Variants in ARHGEF17 observed in about 807,000 individuals in gnomAD.
ARHGEF17 encodes the protein Rho guanine nucleotide exchange factor 17.
A neutral mutation model predicts 174.0 loss-of-function variants in ARHGEF17; 80 were observed. The observed-to-expected ratio is 0.46, with a 90% CI of 0.38 to 0.55. The LOEUF is 0.55. Ranked by LOEUF, ARHGEF17 falls within the 20% of genes least tolerant of loss-of-function variation. ARHGEF17 has a pLI of 0.00. For missense variants in ARHGEF17, 2,886 were observed against 2,839.7 expected, an observed-to-expected ratio of 1.02 and a Z score of -0.37; for synonymous variants, 1,311 against 1,189.1, an observed-to-expected ratio of 1.10 and a Z score of -2.11.
rs928150383 is a variant in ARHGEF17 at position 73,363,286 on chromosome 11, C to G, written c.5077C>G (p.Leu1693Val). ...GGAGCAGGAGCCAGGCTTCCTGCCA[C>G]TGTCTGGCTCCTTTGGGCCTGGTGG... ...EEEQEPGFLP[L>V]SGSFGPGGPC... The change falls in exon 15 of 21, where the codon CTG becomes GTG. Residue 1693 changes from leucine to valine, a missense_variant. By Grantham distance (32) the Leu-to-Val change is conservative (BLOSUM62 1). Transcript: ENST00000263674. 3 of 1,611,612 alleles carry G rather than the reference C, an allele frequency of 1.9e-6. No individual in the cohort carries two copies. Among genetic ancestry groups the G allele is most frequent in the Non-Finnish European group, 2.5e-6 (3 of 1,178,864 alleles).
chr11:73,326,637 T>C (rs1373221939), intron 1 of ARHGEF17, among the ~76,000 whole-genome samples: 1 of 152,096 alleles, frequency 6.6e-6, no homozygotes, highest in Non-Finnish European at 1.5e-5. Context: ...GGAGAATCGC[T>C]TGAACCCAGG....
intron 6 of ARHGEF17, 78 bp downstream of exon 6, chr11:73,356,429 G>A: frequency 7.2e-7 from 1 of 1,393,134 alleles, no homozygotes; most frequent in Admixed American, 2.3e-5. Context: ...GTGCATCTGT[G>A]GCCACCTGGA....
rs1450997792 is a variant in ARHGEF17 at position 73,311,630 on chromosome 11, T to C, written c.2992T>C (p.Leu998=). 1 of 1,613,284 alleles carries C rather than the reference T, an allele frequency of 6.2e-7. No homozygotes were observed. Among genetic ancestry groups the C allele is most frequent in the South Asian group, 1.1e-5 (1 of 91,088 alleles). The stretch of plus-strand genomic sequence containing the variant: ...CTTCCCTACCCGAGCCCATCCCACG[T>C]TGCAGGCACCATCGCTCGAGGACGT... ...IGFPTRAHPT[L]QAPSLEDVTK... The change falls in exon 1 of 21, where the codon TTG becomes CTG. Residue 998 remains leucine (L), a synonymous_variant. Coordinates refer to ENST00000263674, the MANE Select transcript of ARHGEF17 (RefSeq NM_014786.4).
chr11:73,359,414 C>T (rs570693610), intron 9 of ARHGEF17, among the ~76,000 whole-genome samples: 33 of 152,330 alleles, frequency 2.2e-4, no homozygotes, highest in Admixed American at 1.6e-3. Context: ...ATGCACTGCC[C>T]CCTCCTTTGT....
At chr11:73,335,474 T>C (rs1281784897) in intron 1 of ARHGEF17, among the ~76,000 whole-genome samples, 1 of 152,044 alleles carries the variant, frequency 6.6e-6, no homozygotes, top group East Asian at 1.9e-4. Flanking sequence ...AAACTTTTCC[T>C]TCCCAGCCTG....
chr11:73,311,961 A>C (rs1373743230), intron 1 of ARHGEF17, 131 bp downstream of exon 1: 1 of 1,043,562 alleles, frequency 9.6e-7, no homozygotes, highest in East Asian at 2.6e-5. Context: ...TGGTCCTGGA[A>C]GTGCCTGTGC....
chr11:73,341,487 T>G (rs1022251001), intron 1 of ARHGEF17, among the ~76,000 whole-genome samples: 2 of 151,962 alleles, frequency 1.3e-5, no homozygotes, highest in African/African-American at 4.8e-5. Flanking sequence ...TGTATTTTTT[T>G]TTTTAATAGA....
chr11:73,354,646 G>A (rs56012762), intron 3 of ARHGEF17, among the ~76,000 whole-genome samples: 12,757 of 151,820 alleles, frequency 0.084, 545 homozygotes, highest in Non-Finnish European at 0.1. Flanking sequence ...CCTGGGTGGC[G>A]GAGGTTGCAG....
In ARHGEF17 at chr11:73,311,403, C is replaced by G. The variant is rs1864831093; in HGVS notation, c.2765C>G (p.Ser922Cys). The change falls in exon 1 of 21, where the codon TCC becomes TGC. Residue 922 changes from serine (S) to cysteine (C), a missense_variant. Coordinates refer to ENST00000263674, the MANE Select transcript of ARHGEF17 (RefSeq NM_014786.4). ...ILSPRLIRRGSKKRPARSSHQ... is the reference protein window; with the variant it reads ...ILSPRLIRRGCKKRPARSSHQ... ...TCCCCGAGGCTAATCCGCCGAGGCT[C>G]CAAGAAGCGCCCAGCTCGGAGTAGT... The G allele has an allele frequency of 6.2e-7, 1 of 1,613,232 alleles. No individual in the cohort carries two copies. Among genetic ancestry groups the G allele is most frequent in the Non-Finnish European group, 8.5e-7 (1 of 1,180,056 alleles).
At chr11:73,355,332 C>A (rs1342684261) in intron 3 of ARHGEF17, among the ~76,000 whole-genome samples, 1 of 152,174 alleles carries the variant, frequency 6.6e-6, no homozygotes, top group Non-Finnish European at 1.5e-5. Context: ...TATGAGCACT[C>A]GTATATCCAT....
At position 73,311,610 on chromosome 11, in the gene ARHGEF17, C is replaced by G; in HGVS notation, c.2972C>G (p.Pro991Arg). The G allele has an allele frequency of 6.2e-7, 1 of 1,613,338 alleles. No individual in the cohort carries two copies. Among genetic ancestry groups the G allele is most frequent in the Non-Finnish European group, 8.5e-7 (1 of 1,179,902 alleles). Residue 991 changes from proline (P) to arginine (R), a missense_variant, in exon 1 of 21, where the codon CCT becomes CGT. Physicochemically the swap from Pro to Arg is moderately radical, Grantham distance 103 (BLOSUM62 -2). Around this residue, in one of 4 missense-constraint regions of ARHGEF17, gnomAD observed 1,728 missense variants for 1,461.2 expected, o/e 1.18. Coordinates refer to ENST00000263674, the MANE Select transcript of ARHGEF17 (RefSeq NM_014786.4). ...PVAVPEPIGFPTRAHPTLQAP... is the reference protein window; with the variant it reads ...PVAVPEPIGFRTRAHPTLQAP... The stretch of plus-strand genomic sequence containing the variant: ...GCTGTGCCAGAACCCATAGGCTTCC[C>G]TACCCGAGCCCATCCCACGTTGCAG...
chr11:73,354,652 T>G (rs1360386243), intron 3 of ARHGEF17, among the ~76,000 whole-genome samples: 1 of 150,278 alleles, frequency 6.7e-6, no homozygotes, highest in African/African-American at 2.5e-5. Flanking sequence ...TGGCGGAGGT[T>G]GCAGTGAGCC....
intron 1 of ARHGEF17, among the ~76,000 whole-genome samples, chr11:73,329,345 ATATATATATATATATATATATATATATAT>A (rs1452669491): frequency 7.1e-5 from 2 of 28,258 alleles, no homozygotes; most frequent in East Asian, 6.6e-4. Flanking sequence ...ATATATATAT[ATATATATATATATATATATATATATATAT>A]TTTTTTTTTT....
chr11:73,355,693 G>C (rs779388070), intron 4 of ARHGEF17, 44 bp downstream of exon 4: 1 of 1,593,314 alleles, frequency 6.3e-7, no homozygotes, highest in Non-Finnish European at 8.6e-7. Flanking sequence ...CCCTCACCTT[G>C]GGCCAGCTTT....
chr11:73,323,742 C>G (rs1021284400), intron 1 of ARHGEF17, among the ~76,000 whole-genome samples: 3 of 152,236 alleles, frequency 2.0e-5, no homozygotes, highest in African/African-American at 7.2e-5. Flanking sequence ...CTAAATTCAG[C>G]CCCAGCTAAA....
chr11:73,314,754 C>T (rs1028461033), intron 1 of ARHGEF17, among the ~76,000 whole-genome samples: 6 of 152,082 alleles, frequency 3.9e-5, no homozygotes, highest in African/African-American at 9.7e-5. Flanking sequence ...CCCTCCCACA[C>T]TCTTGTTACC....
chr11:73,308,924 G>T lies in ARHGEF17; in HGVS notation c.286G>T (p.Asp96Tyr). 3.7e-6 allele frequency: 5 copies of T among 1,364,060 alleles called. No individual in the cohort carries two copies. Among genetic ancestry groups the T allele is most frequent in the Non-Finnish European group, 4.7e-6 (5 of 1,064,700 alleles). 84.5% of individuals were successfully genotyped at this position (1,364,060 alleles called of 1,614,324 possible). Reference protein sequence around the residue: ...SRRFDAPRLDDGSAGTRDGGV... With the variant: ...SRRFDAPRLDYGSAGTRDGGV... ...GCGCTTCGACGCGCCGCGTCTGGAC[G>T]ACGGCTCCGCTGGGACCCGAGACGG... is the stretch of plus-strand genomic sequence containing the variant. The change falls in exon 1 of 21, where the codon GAC becomes TAC. Residue 96 changes from aspartate to tyrosine, a missense_variant. Coordinates refer to ENST00000263674, the MANE Select transcript of ARHGEF17 (RefSeq NM_014786.4).
At chr11:73,360,244 G>A in intron 10 of ARHGEF17, 76 bp from the exon 11 acceptor site, 1 of 1,516,046 alleles carries the variant, frequency 6.6e-7, no homozygotes, top group South Asian at 1.1e-5. Context: ...GAGAGAGGCA[G>A]GTCCCCACAC....
At chr11:73,321,397 A>G (rs1401446008) in intron 1 of ARHGEF17, among the ~76,000 whole-genome samples, 1 of 152,234 alleles carries the variant, frequency 6.6e-6, no homozygotes, top group African/African-American at 2.4e-5. Context: ...CGGCCTGTGA[A>G]GTGGGGCTCA....
Sources: gnomAD v4.1 joint callset for allele counts (sites outside exome capture counted in the v4.1 genomes callset) on GRCh38, gnomAD v4.1.1 for gene constraint, gnomAD v4.1.1 regional missense constraint, MANE v1.5 for transcripts, NCBI Gene and HGNC (gene_info 2026-07-23, HGNC 2026-07-21) for gene names.